The following MEGF6 variants were observed in gnomAD, a reference collection of about 807,000 sequenced individuals.
MEGF6 encodes multiple EGF like domains 6.
Under a neutral mutation model 207.1 loss-of-function variants are expected in MEGF6, and 184 were observed. That is an observed-to-expected ratio of 0.89 (90% confidence interval 0.79 to 1.00). MEGF6 has a LOEUF of 1.00. MEGF6 is among the 50% of genes least tolerant of loss of function. The pLI is 0.00. For missense variants in MEGF6, 2,282 were observed against 2,202.9 expected, an observed-to-expected ratio of 1.04 and a Z score of -0.72; for synonymous variants, 1,038 against 910.0, an observed-to-expected ratio of 1.14 and a Z score of -2.53.
chr1:3,508,489 A>G, intron 13 of MEGF6, 69 bp downstream of exon 13: 1 of 1,554,232 alleles, frequency 6.4e-7, no homozygotes, highest in Non-Finnish European at 8.7e-7. Context: ...ATGGGCTCAA[A>G]GGGCTGTCCC....
chr1:3,506,166 G>C lies in MEGF6; in HGVS notation c.1860C>G (p.His620Gln). 3 of 1,596,444 alleles carry C rather than the reference G, an allele frequency of 1.9e-6. No individual in the cohort carries two copies. In the East Asian group the frequency reaches 6.8e-5, roughly 36 times the overall value. Residue 620 changes from histidine to glutamine, a missense_variant, in exon 15 of 37, where the codon CAC becomes CAG. Coordinates refer to ENST00000356575, the MANE Select transcript of MEGF6 (RefSeq NM_001409.4). ...CGCAGAGGCAGGCCCCGTAGAGGCG[G>C]TGGCACCGGCCCCGGTTGGCACAGT... ...KCNCANRGRCHRLYGACLCDP... is the reference protein window; with the variant it reads ...KCNCANRGRCQRLYGACLCDP...
intron 4 of MEGF6, among the ~76,000 whole-genome samples, chr1:3,537,922 G>C (rs954082561): frequency 2.0e-5 from 3 of 152,144 alleles, no homozygotes; most frequent in Non-Finnish European, 4.4e-5. Context: ...GGCTTGGAGT[G>C]GGGGAAAGGA....
chr1:3,507,988 A>T, intron 13 of MEGF6, 65 bp from the exon 14 acceptor site: 1 of 1,557,402 alleles, frequency 6.4e-7, no homozygotes, highest in Non-Finnish European at 8.7e-7. Flanking sequence ...ACCCCTTCCT[A>T]GGGTTGGAGG....
chr1:3,596,033 G>A (rs1364272282), intron 2 of MEGF6, among the ~76,000 whole-genome samples: 1 of 152,128 alleles, frequency 6.6e-6, no homozygotes, highest in Admixed American at 6.5e-5. Context: ...CACCTAGGAG[G>A]ACAAAGCTGA....
intron 4 of MEGF6, among the ~76,000 whole-genome samples, chr1:3,579,537 C>A (rs968461228): frequency 7.9e-5 from 12 of 152,162 alleles, no homozygotes; most frequent in African/African-American, 2.9e-4. Context: ...AGGGGGCCAG[C>A]GTCCCCATTT....
chr1:3,518,461 C>G (rs1249425931), intron 5 of MEGF6, among the ~76,000 whole-genome samples: 1 of 152,204 alleles, frequency 6.6e-6, no homozygotes, highest in Non-Finnish European at 1.5e-5. Flanking sequence ...TCCGTCTGAG[C>G]TGCCTTGGTC....
At chr1:3,498,228 C>T in intron 26 of MEGF6, 143 bp downstream of exon 26, 1 of 1,096,154 alleles carries the variant, frequency 9.1e-7, no homozygotes, top group Non-Finnish European at 1.3e-6. Flanking sequence ...TCTTAGTGCT[C>T]CGACGGCAGC....
Position 3,528,375 on chromosome 1 carries a change from G to T in MEGF6, c.482-4129C>A, listed in dbSNP as rs184851978. Among the ~76,000 whole-genome samples, 10 of 152,362 alleles carry T rather than the reference G, an allele frequency of 6.6e-5. No homozygotes were observed. In the East Asian group the frequency reaches 1.9e-3, roughly 29 times the overall value. On this transcript the variant is annotated intron_variant, in intron 4 of 36. Coordinates refer to ENST00000356575, the MANE Select transcript of MEGF6 (RefSeq NM_001409.4). ...CCAGACGGCTCCAAGGACCCCGCAG[G>T]TGCTGAGCCGGTGACCCTGGCTGCG...
chr1:3,498,829 G>T lies in MEGF6; in HGVS notation c.3095-3C>A. On this transcript the variant is annotated splice_region_variant and splice_polypyrimidine_tract_variant and intron_variant, in intron 24 of 36. Transcript: ENST00000356575. ...GCCGTACAGGCCGGCAGGGCAGGCT[G>T]GGGCCAGGGAAGAGGGAGCAACCTG... is the stretch of plus-strand genomic sequence containing the variant. The T allele has an allele frequency of 6.4e-7, 1 of 1,550,738 alleles. No homozygotes were observed. The highest frequency in any genetic ancestry group is 8.7e-7 in the Non-Finnish European group (1 of 1,147,402).
At chr1:3,492,598 G>A in intron 35 of MEGF6, 41 bp downstream of exon 35, 1 of 1,595,314 alleles carries the variant, frequency 6.3e-7, no homozygotes, top group Non-Finnish European at 8.6e-7. Flanking sequence ...GCTGATTGGG[G>A]GATGGTGCCT....
intron 5 of MEGF6, among the ~76,000 whole-genome samples, chr1:3,523,014 G>GCA (rs1641815023): frequency 6.6e-6 from 1 of 151,874 alleles, no homozygotes; most frequent in African/African-American, 2.4e-5. Context: ...TCAGACCCAG[G>GCA]GAAACTTTAC....
chr1:3,522,482 C>T lies in MEGF6; in HGVS notation c.604+1642G>A, dbSNP rs183481038. Among the ~76,000 whole-genome samples, 10 of 152,212 alleles carry T rather than the reference C, an allele frequency of 6.6e-5. No individual in the cohort carries two copies. In the East Asian group the frequency reaches 7.8e-4, roughly 12 times the overall value. ...GAAGACCTTTAAAATGGGCGAGCAC[C>T]GCAGATTAAGCCTTCTGGGGCCCTA... On this transcript the variant is annotated intron_variant, in intron 5 of 36. Coordinates refer to ENST00000356575, the MANE Select transcript of MEGF6 (RefSeq NM_001409.4).
chr1:3,523,477 C>T (rs979754340), intron 5 of MEGF6, among the ~76,000 whole-genome samples: 17 of 152,156 alleles, frequency 1.1e-4, no homozygotes, highest in African/African-American at 3.9e-4. Flanking sequence ...ACACCTCCTC[C>T]AGCCCATTCC....
chr1:3,510,762 C>A, intron 10 of MEGF6, 21 bp downstream of exon 10: 2 of 1,586,920 alleles, frequency 1.3e-6, no homozygotes, highest in Non-Finnish European at 8.6e-7. Context: ...CCCAGCTGTG[C>A]AGTGGCAGGG....
chr1:3,500,017 G>T (rs1640789329), intron 21 of MEGF6, 93 bp from the exon 22 acceptor site: 2 of 1,441,584 alleles, frequency 1.4e-6, no homozygotes, highest in African/African-American at 2.8e-5. Flanking sequence ...AGGACTGTGG[G>T]ACAGGCCTGG....
intron 4 of MEGF6, among the ~76,000 whole-genome samples, chr1:3,534,141 G>GCCA (rs1217261142): frequency 6.6e-6 from 1 of 152,048 alleles, no homozygotes; most frequent in African/African-American, 2.4e-5. Context: ...AGCCCCAAAG[G>GCCA]CCACCGAGCC....
chr1:3,617,050 C>T, the MEGF6 span, among the ~76,000 whole-genome samples: 1 of 151,856 alleles, frequency 6.6e-6, no homozygotes, highest in East Asian at 1.9e-4. Flanking sequence ...AGGCTTCCCC[C>T]TCTACACCCT....
intron 4 of MEGF6, among the ~76,000 whole-genome samples, chr1:3,525,265 G>T (rs1324669540): frequency 6.6e-6 from 1 of 152,216 alleles, no homozygotes; most frequent in Non-Finnish European, 1.5e-5. Flanking sequence ...CCTGCCCAAG[G>T]GCCAGCTTGG....
At chr1:3,514,247 CAAA>C (rs34128030) in intron 7 of MEGF6, among the ~76,000 whole-genome samples, 9 of 118,672 alleles carry the variant, frequency 7.6e-5, no homozygotes, top group Admixed American at 8.2e-5. Context: ...GACTCCGTCT[CAAA>C]AAAAAAAAAA....
Sources: allele counts gnomAD v4.1 joint callset (sites outside exome capture counted in the v4.1 genomes callset), GRCh38; gene constraint gnomAD v4.1.1; transcripts MANE v1.5; gene names NCBI Gene and HGNC (gene_info 2026-07-23, HGNC 2026-07-21).